ZBTB20: variants seen among roughly 807,000 people sequenced by gnomAD.
ZBTB20 encodes the protein zinc finger and BTB domain containing 20, also known as zinc finger and BTB domain-containing protein 20.
Under a neutral mutation model 56.9 loss-of-function variants are expected in ZBTB20, and 9 were observed. That is an observed-to-expected ratio of 0.16 (90% confidence interval 0.10 to 0.28). ZBTB20 has a LOEUF of 0.28. Ranked by LOEUF, ZBTB20 falls within the 10% of genes least tolerant of loss-of-function variation. The pLI is 1.00. For synonymous variants in ZBTB20, 417 were observed against 420.7 expected (o/e 0.99, Z 0.11); for missense variants, 655 against 1,003.0 (o/e 0.65, Z 4.69).
chr3:114,339,161 G>C lies in ZBTB20; in HGVS notation c.2070C>G (p.Thr690=), dbSNP rs139619357. 3.1e-6 allele frequency: 5 copies of C among 1,614,094 alleles called. No homozygotes were observed. The highest frequency in any genetic ancestry group is 3.4e-6 in the Non-Finnish European group (4 of 1,179,936). The change falls in exon 12 of 12, where the codon ACC becomes ACG. Residue 690 remains threonine (T), a synonymous_variant. Transcript: ENST00000675478. The surrounding 1 kb of genome is among the most constrained non-coding windows in gnomAD (Gnocchi z 4.2). ...HVALHSASNG[T]PPAGTPPGAR... ...CACCTGGGGGTGTGCCTGCAGGGGG[G>C]GTCCCATTGCTGGCACTGTGCAGGG...
At chr3:114,946,566 T>C (rs1314986325) in intron 3 of ZBTB20, among the ~76,000 whole-genome samples, 3 of 145,178 alleles carry the variant, frequency 2.1e-5, no homozygotes, top group East Asian at 1.9e-4. Flanking sequence ...AGTACAAAGA[T>C]AATAAGATCT....
intron 6 of ZBTB20, among the ~76,000 whole-genome samples, chr3:114,623,934 C>T (rs537956248): frequency 6.2e-4 from 94 of 152,250 alleles, no homozygotes; most frequent in Non-Finnish European, 1.2e-3. Flanking sequence ...TGCCATTGTC[C>T]GTAGAGTGCT....
chr3:115,033,855 C>A (rs1174877872), intron 2 of ZBTB20, among the ~76,000 whole-genome samples: 1 of 151,632 alleles, frequency 6.6e-6, no homozygotes, highest in African/African-American at 2.4e-5. Flanking sequence ...AAATCCTTAA[C>A]AAATTATAGC....
At chr3:114,836,181 T>C (rs1249664804) in intron 4 of ZBTB20, among the ~76,000 whole-genome samples, 1 of 152,218 alleles carries the variant, frequency 6.6e-6, no homozygotes, top group Non-Finnish European at 1.5e-5. Flanking sequence ...GTATTTGATA[T>C]GTGTGTTTTA....
intron 6 of ZBTB20, among the ~76,000 whole-genome samples, chr3:114,669,438 T>C (rs920038774): frequency 2.6e-5 from 4 of 152,014 alleles, no homozygotes; most frequent in African/African-American, 4.8e-5. Context: ...AAAAAACTGG[T>C]AAAACAGGTA....
chr3:114,597,319 T>C (rs1423396884), intron 6 of ZBTB20, among the ~76,000 whole-genome samples: 1 of 152,208 alleles, frequency 6.6e-6, no homozygotes, highest in Non-Finnish European at 1.5e-5. Context: ...ACGAGTCAGT[T>C]ACTTGACACA....
At chr3:115,000,788 C>CA (rs1226369784) in intron 2 of ZBTB20, among the ~76,000 whole-genome samples, 2 of 151,430 alleles carry the variant, frequency 1.3e-5, no homozygotes, top group Non-Finnish European at 3.0e-5. Context: ...AGCAAACAAA[C>CA]AAAAAACCTC....
chr3:114,548,024 T>TTATG (rs2050107526), intron 6 of ZBTB20, among the ~76,000 whole-genome samples: 1 of 152,184 alleles, frequency 6.6e-6, no homozygotes, highest in African/African-American at 2.4e-5. Flanking sequence ...TAAATAGTGG[T>TTATG]TATGCATTTG....
chr3:114,494,628 G>C (rs927969085), intron 7 of ZBTB20, among the ~76,000 whole-genome samples: 1 of 152,208 alleles, frequency 6.6e-6, no homozygotes, highest in Non-Finnish European at 1.5e-5. Context: ...AAGCACAGGA[G>C]TTTAACCTCT....
chr3:114,909,159 C>A (rs1169638780), intron 3 of ZBTB20, among the ~76,000 whole-genome samples: 2 of 151,878 alleles, frequency 1.3e-5, no homozygotes, highest in Non-Finnish European at 1.5e-5. Flanking sequence ...CGCCAGAAGA[C>A]CTTCCAGTGG....
chr3:114,392,990 A>G (rs1397511091), intron 7 of ZBTB20, among the ~76,000 whole-genome samples: 10 of 152,190 alleles, frequency 6.6e-5, no homozygotes, highest in Non-Finnish European at 1.5e-4. Context: ...ATACTACAAG[A>G]CCTCATCTGC....
At chr3:114,784,484 C>CTCTG (rs1209239263) in intron 5 of ZBTB20, among the ~76,000 whole-genome samples, 1 of 152,180 alleles carries the variant, frequency 6.6e-6, no homozygotes, top group Non-Finnish European at 1.5e-5. Flanking sequence ...GAATTGTAAT[C>CTCTG]AGTTCAAGTA....
chr3:114,977,304 G>T (rs1349566024), intron 2 of ZBTB20, among the ~76,000 whole-genome samples: 2 of 152,166 alleles, frequency 1.3e-5, no homozygotes, highest in East Asian at 3.8e-4. Context: ...ATGATGTTTA[G>T]TAGTTTTGAT....
intron 7 of ZBTB20, among the ~76,000 whole-genome samples, chr3:114,395,710 A>G (rs28366574): frequency 0.049 from 7,397 of 152,202 alleles, 606 homozygotes; most frequent in African/African-American, 0.17. Flanking sequence ...TTTACTTTTT[A>G]GGTTTTAGTT....
At chr3:114,650,817 C>T (rs185541244) in intron 6 of ZBTB20, among the ~76,000 whole-genome samples, 36 of 151,886 alleles carry the variant, frequency 2.4e-4, no homozygotes, top group East Asian at 1.9e-4. Flanking sequence ...AAAATTGGTA[C>T]ATTATAACAT....
At chr3:114,812,723 G>A (rs2072631929) in intron 4 of ZBTB20, among the ~76,000 whole-genome samples, 1 of 152,242 alleles carries the variant, frequency 6.6e-6, no homozygotes, top group Admixed American at 6.5e-5. Flanking sequence ...GGTGGTCGAT[G>A]GGACTGGGCG....
intron 6 of ZBTB20, among the ~76,000 whole-genome samples, chr3:114,529,744 G>T (rs1319044214): frequency 6.6e-6 from 1 of 152,202 alleles, no homozygotes; most frequent in African/African-American, 2.4e-5. Flanking sequence ...TGTTGGTGTG[G>T]AAATGTATTG....
chr3:114,360,403 G>C (rs2081717393), intron 10 of ZBTB20, among the ~76,000 whole-genome samples: 1 of 150,354 alleles, frequency 6.7e-6, no homozygotes. Flanking sequence ...GAGTGCAGTG[G>C]CGCGATCTCC....
chr3:114,765,914 C>T (rs981046879), intron 5 of ZBTB20, among the ~76,000 whole-genome samples: 2 of 152,072 alleles, frequency 1.3e-5, no homozygotes, highest in Admixed American at 1.3e-4. Flanking sequence ...ATATACTCTA[C>T]AGAACACGTC....
Sources: gnomAD v4.1 joint callset for allele counts (sites outside exome capture counted in the v4.1 genomes callset) on GRCh38, gnomAD v4.1.1 for gene constraint, Gnocchi (gnomAD v3.1) non-coding constraint, MANE v1.5 for transcripts, NCBI Gene and HGNC (gene_info 2026-07-23, HGNC 2026-07-21) for gene names.